RUNX1T1: variants seen among roughly 807,000 people sequenced by gnomAD.
The protein encoded by RUNX1T1 is RUNX1 partner transcriptional co-repressor 1.
Under a neutral mutation model 62.8 loss-of-function variants are expected in RUNX1T1, and 4 were observed. The observed-to-expected ratio is 0.06, with a 90% CI of 0.03 to 0.15. The LOEUF is 0.15. Ranked by LOEUF, RUNX1T1 falls within the 10% of genes least tolerant of loss-of-function variation. RUNX1T1 has a pLI of 1.00. For missense variants in RUNX1T1, 508 were observed against 754.3 expected (o/e 0.67, Z 3.82); for synonymous variants, 291 against 286.0 (o/e 1.02, Z -0.18).
intron 1 of RUNX1T1, among the ~76,000 whole-genome samples, chr8:92,097,122 T>C (rs188417286): frequency 7.2e-5 from 11 of 152,206 alleles, no homozygotes; most frequent in African/African-American, 2.2e-4. Context: ...GAATGTCAGA[T>C]AAAAAGGGGT....
chr8:92,015,238 A>C (rs1405578749), intron 2 of RUNX1T1, among the ~76,000 whole-genome samples: 3 of 152,228 alleles, frequency 2.0e-5, no homozygotes, highest in Admixed American at 2.0e-4. Flanking sequence ...TTTGGTGGAG[A>C]CTAAATTTAT....
intron 1 of RUNX1T1, among the ~76,000 whole-genome samples, chr8:92,089,126 T>C (rs1836586307): frequency 6.6e-6 from 1 of 152,180 alleles, no homozygotes; most frequent in African/African-American, 2.4e-5. Context: ...TCCACTGTCA[T>C]TTTGGATGAT....
At chr8:92,031,975 C>G (rs1826317020) in intron 1 of RUNX1T1, among the ~76,000 whole-genome samples, 1 of 151,712 alleles carries the variant, frequency 6.6e-6, no homozygotes, top group South Asian at 2.1e-4. Context: ...CACCTGTAAT[C>G]CCAGCTACCT....
chr8:91,993,422 T>C (rs1399660698), intron 5 of RUNX1T1, among the ~76,000 whole-genome samples: 1 of 152,108 alleles, frequency 6.6e-6, no homozygotes, highest in Non-Finnish European at 1.5e-5. Context: ...TTCAGAGTTT[T>C]ATGTTAAAGA....
chr8:92,002,495 G>T lies in RUNX1T1; in HGVS notation c.659+2621C>A, dbSNP rs537287341. Among the ~76,000 whole-genome samples the T allele has an allele frequency of 9.2e-5, 14 of 152,204 alleles. 1 individual carries two copies. In the South Asian group the frequency reaches 2.5e-3, roughly 27 times the overall value. On this transcript the variant is annotated intron_variant, in intron 5 of 10. Transcript: ENST00000396218. ...GCCAAAACCCATCCCTGAAACACAT[G>T]ATGACTGTTTAGTACATTAACTCAG...
At chr8:92,066,318 C>T (rs1219601576), upstream of RUNX1T1, among the ~76,000 whole-genome samples, 1 of 152,166 alleles carries the variant, frequency 6.6e-6, no homozygotes, top group African/African-American at 2.4e-5. Context: ...CTTGCTTGTC[C>T]CACTTTCAAT....
rs1246194007 is a variant in RUNX1T1, at chr8:91,959,454, G to GTATATA, written c.*787_*788insTATATA. 361 of 120,954 alleles carry GTATATA rather than the reference G, an allele frequency of 3.0e-3. 8 individuals carry two copies. Among genetic ancestry groups the GTATATA allele is most frequent in the African/African-American group, 0.024 (335 of 13,842 alleles). 7.5% of individuals were successfully genotyped at this position (120,954 alleles called of 1,614,324 possible). Reference sequence around the variant, plus strand: ...TGTGTGTGTGTGTGTGTGTGTGTGTGTGTGTGTGTGTGTATATGTGCGTGT... The same window carrying GTATATA: ...TGTGTGTGTGTGTGTGTGTGTGTGTGTATATATGTGTGTGTGTGTATATGTGCGTGT... On this transcript the variant is annotated 3_prime_UTR_variant, in exon 11 of 11. Transcript: ENST00000396218.
chr8:91,966,109 T>G (rs1164647320), intron 10 of RUNX1T1, among the ~76,000 whole-genome samples: 2 of 148,138 alleles, frequency 1.4e-5, no homozygotes, highest in Admixed American at 1.4e-4. Flanking sequence ...CTGGCATATA[T>G]ATATATATTT....
At chr8:92,085,849 G>C (rs759576848) in intron 1 of RUNX1T1, among the ~76,000 whole-genome samples, 7 of 151,942 alleles carry the variant, frequency 4.6e-5, no homozygotes, top group Non-Finnish European at 8.8e-5. Context: ...AAGGATTGAC[G>C]GCTCTTTAAC....
intron 9 of RUNX1T1, among the ~76,000 whole-genome samples, chr8:91,971,601 T>C (rs896714586): frequency 5.3e-5 from 8 of 152,350 alleles, no homozygotes; most frequent in Admixed American, 4.6e-4. Context: ...AATATAAATA[T>C]GTGCCTTTAT....
intron 3 of RUNX1T1, 76 bp downstream of exon 4, chr8:92,014,503 G>A (rs554261192): frequency 2.3e-5 from 29 of 1,284,772 alleles, no homozygotes; most frequent in Non-Finnish European, 2.9e-5. Flanking sequence ...TTGCGAGAAC[G>A]GTGTCTACAT....
intron 1 of RUNX1T1, among the ~76,000 whole-genome samples, chr8:92,020,078 C>A (rs1253765810): frequency 6.6e-6 from 1 of 152,114 alleles, no homozygotes; most frequent in Non-Finnish European, 1.5e-5. Flanking sequence ...GCCCAGAGGT[C>A]CTACAAACTG....
intron 1 of RUNX1T1, among the ~76,000 whole-genome samples, chr8:92,056,512 C>T (rs991853128): frequency 1.3e-5 from 2 of 152,112 alleles, no homozygotes; most frequent in Middle Eastern, 3.4e-3. Flanking sequence ...ATAAAGTGAG[C>T]CAGACTACAC....
intron 1 of RUNX1T1, among the ~76,000 whole-genome samples, chr8:92,085,663 A>G (rs931131606): frequency 6.6e-6 from 1 of 152,264 alleles, no homozygotes; most frequent in Non-Finnish European, 1.5e-5. Flanking sequence ...CAAAAAATAA[A>G]AAGAATTGCC....
intron 1 of RUNX1T1, among the ~76,000 whole-genome samples, chr8:92,041,360 T>C (rs548551728): frequency 2.6e-5 from 4 of 152,332 alleles, no homozygotes; most frequent in African/African-American, 9.6e-5. Flanking sequence ...GCCGGGGCTT[T>C]GTTTGGCTTA....
At chr8:92,011,343 T>G (rs775671375) in intron 3 of RUNX1T1, among the ~76,000 whole-genome samples, 19 of 152,238 alleles carry the variant, frequency 1.2e-4, no homozygotes, top group Non-Finnish European at 2.6e-4. Context: ...ATGTGCATGA[T>G]CACTAGCATG....
intron 1 of RUNX1T1, among the ~76,000 whole-genome samples, chr8:92,040,948 A>G (rs753605134): frequency 6.6e-6 from 1 of 152,148 alleles, no homozygotes; most frequent in Non-Finnish European, 1.5e-5. Flanking sequence ...GGTTCAAACA[A>G]TCCTCCCACT....
At chr8:92,017,638 T>C (rs1472911832) in intron 1 of RUNX1T1, 10 of 1,316,088 alleles carry the variant, frequency 7.6e-6, no homozygotes, top group South Asian at 1.6e-5. Flanking sequence ...TAGTGTTATA[T>C]GCAGCAGCAC....
chr8:91,984,548 G>T (rs1290595710), intron 8 of RUNX1T1, among the ~76,000 whole-genome samples: 1 of 152,086 alleles, frequency 6.6e-6, no homozygotes, highest in Non-Finnish European at 1.5e-5. Context: ...ACATTGCCTG[G>T]CACATAGTAA....
Sources: allele counts gnomAD v4.1 joint callset (sites outside exome capture counted in the v4.1 genomes callset), GRCh38; gene constraint gnomAD v4.1.1; transcripts MANE v1.5; gene names NCBI Gene and HGNC (gene_info 2026-07-23, HGNC 2026-07-21).